Variants in TIAM1 observed in about 807,000 individuals in gnomAD.
TIAM1 encodes the protein rho guanine nucleotide exchange factor TIAM1.
In TIAM1, 65 loss-of-function variants were observed where a neutral mutation model predicts 163.5. The ratio of observed to expected loss-of-function variants is 0.40; its 90% CI spans 0.33 to 0.49. The LOEUF (loss-of-function observed/expected upper bound fraction) is 0.49. Ranked by LOEUF, TIAM1 falls within the 20% of genes least tolerant of loss-of-function variation. TIAM1 has a pLI of 0.77. For missense variants in TIAM1, 1,789 were observed against 2,044.7 expected (o/e 0.87, Z 2.41); for synonymous variants, 833 against 810.1 (o/e 1.03, Z -0.48).
chr21:31,396,883 A>G (rs892896680), intron 2 of TIAM1, among the ~76,000 whole-genome samples: 1 of 152,136 alleles, frequency 6.6e-6, no homozygotes, highest in East Asian at 1.9e-4. Flanking sequence ...CCTGGGGTGG[A>G]GGTTGCAGTG....
chr21:31,448,609 TAAAAAAAA>T (rs36095276), intron 2 of TIAM1, among the ~76,000 whole-genome samples: 3 of 128,726 alleles, frequency 2.3e-5, no homozygotes, highest in Non-Finnish European at 4.8e-5. Context: ...CCATCTCAAT[TAAAAAAAA>T]AAAAAAAAAC....
At chr21:31,453,847 C>G (rs1477473669) in intron 2 of TIAM1, among the ~76,000 whole-genome samples, 1 of 152,030 alleles carries the variant, frequency 6.6e-6, no homozygotes, top group African/African-American at 2.4e-5. Flanking sequence ...CCAACATGAC[C>G]TGGCCTGCTT....
At chr21:31,559,058 GC>G (rs2048997965), upstream of TIAM1, 1 of 151,912 alleles carries the variant, frequency 6.6e-6, no homozygotes, top group Non-Finnish European at 1.5e-5. Context: ...GCGCTGCTCT[GC>G]CGGCCGCGCT....
chr21:31,326,119 C>A (rs1448638271), intron 2 of TIAM1, among the ~76,000 whole-genome samples: 1 of 152,164 alleles, frequency 6.6e-6, no homozygotes, highest in Non-Finnish European at 1.5e-5. Context: ...CCAGCGAGAC[C>A]CCAACTCCCC....
chr21:31,471,856 C>T (rs1051520594), intron 1 of TIAM1, among the ~76,000 whole-genome samples: 69 of 143,566 alleles, frequency 4.8e-4, no homozygotes, highest in African/African-American at 1.7e-3. Flanking sequence ...GCAACAAGAG[C>T]GAAACTCCAT....
chr21:31,337,644 G>A lies in TIAM1; in HGVS notation c.-189+1599C>T, dbSNP rs753871618. On this transcript the variant is annotated intron_variant, in intron 2 of 27. Transcript: ENST00000541036. ...CCTCCTGGGTTCAAGCAATTCTCCC[G>A]CCTCAGCCTCCCGCGTAGCTGAGAT... is the stretch of plus-strand genomic sequence containing the variant. Among the ~76,000 whole-genome samples the A allele has an allele frequency of 7.9e-5, 12 of 151,706 alleles. No individual in the cohort carries two copies. In the East Asian group the frequency reaches 1.4e-3, roughly 17 times the overall value.
intron 27 of TIAM1, among the ~76,000 whole-genome samples, chr21:31,122,878 G>A (rs1254247511): frequency 1.3e-5 from 2 of 152,146 alleles, no homozygotes; most frequent in African/African-American, 4.8e-5. Flanking sequence ...ATTTCCAGTG[G>A]TCACTGTTAA....
intron 4 of TIAM1, among the ~76,000 whole-genome samples, chr21:31,258,624 G>A (rs1251120120): frequency 6.6e-6 from 1 of 152,158 alleles, no homozygotes; most frequent in Non-Finnish European, 1.5e-5. Context: ...GAAGTCAAGA[G>A]ATCTAGACCA....
chr21:31,181,042 C>T (rs913815224), intron 15 of TIAM1, among the ~76,000 whole-genome samples: 10 of 152,224 alleles, frequency 6.6e-5, no homozygotes, highest in African/African-American at 2.2e-4. Flanking sequence ...CCTTCCATTT[C>T]AGATTTTGAA....
At chr21:31,124,499 G>C in intron 27 of TIAM1, 23 bp downstream of exon 27, 2 of 1,610,996 alleles carry the variant, frequency 1.2e-6, no homozygotes, top group Non-Finnish European at 1.7e-6. Flanking sequence ...CGGGAATCTT[G>C]AACGTCCGAA....
chr21:31,224,000 T>C (rs1047413692), intron 7 of TIAM1, among the ~76,000 whole-genome samples: 4 of 152,192 alleles, frequency 2.6e-5, no homozygotes, highest in Non-Finnish European at 4.4e-5. Flanking sequence ...ATGGACCAAG[T>C]GCTTTTGGGA....
At chr21:31,232,313 G>A (rs1056808123) in intron 6 of TIAM1, among the ~76,000 whole-genome samples, 2 of 152,124 alleles carry the variant, frequency 1.3e-5, no homozygotes, top group African/African-American at 4.8e-5. Context: ...ATGGCTGAAG[G>A]CAGTTCCATT....
chr21:31,244,342 C>T (rs1247864411), intron 6 of TIAM1, among the ~76,000 whole-genome samples: 1 of 152,170 alleles, frequency 6.6e-6, no homozygotes, highest in Non-Finnish European at 1.5e-5. Flanking sequence ...TTTATACCTG[C>T]TCTTCCTTTA....
chr21:31,144,823 C>A (rs1601271777), intron 20 of TIAM1, among the ~76,000 whole-genome samples: 2 of 94,328 alleles, frequency 2.1e-5, no homozygotes, highest in African/African-American at 4.4e-5. Context: ...AGTGAGACTC[C>A]ATCTCAGAAA....
rs528643595 is a variant in TIAM1, at chr21:31,195,295, T to G, written c.2504A>C (p.Glu835Ala). The change falls in exon 13 of 28, where the codon GAA becomes GCA. Residue 835 changes from glutamate to alanine, a missense_variant. Around this residue, in one of 5 missense-constraint regions of TIAM1, gnomAD observed 456 missense variants for 586.6 expected, o/e 0.78. Coordinates refer to ENST00000541036, the MANE Select transcript of TIAM1 (RefSeq NM_001353694.2). The part of the protein sequence containing the change: ...EEDIYELLYK[E>A]IEICPKVTQS... ...AGTGACTTTTGGACAGATTTCAATT[T>G]CTTTGTACAGCTGAAAGTTACAAAG... 6.2e-7 allele frequency: 1 copy of G among 1,612,134 alleles called. No homozygotes were observed. The highest frequency in any genetic ancestry group is 1.1e-5 in the South Asian group (1 of 90,836).
intron 16 of TIAM1, among the ~76,000 whole-genome samples, chr21:31,159,585 G>C (rs775486870): frequency 5.3e-5 from 8 of 152,162 alleles, no homozygotes; most frequent in Non-Finnish European, 1.2e-4. Flanking sequence ...TAATTTCAGA[G>C]ACACTATGTA....
chr21:31,221,175 G>A (rs1274110221), intron 8 of TIAM1, among the ~76,000 whole-genome samples: 2 of 152,192 alleles, frequency 1.3e-5, no homozygotes, highest in Non-Finnish European at 2.9e-5. Context: ...AAATCAGACT[G>A]CAAAATTCCC....
At chr21:31,340,907 T>C (rs1450545756) in intron 1 of TIAM1, among the ~76,000 whole-genome samples, 2 of 147,258 alleles carry the variant, frequency 1.4e-5, no homozygotes, top group East Asian at 2.0e-4. Context: ...AAGATAAAAA[T>C]TGGAGGGAAG....
chr21:31,495,242 G>C (rs2046601287), intron 1 of TIAM1, among the ~76,000 whole-genome samples: 2 of 152,142 alleles, frequency 1.3e-5, no homozygotes, highest in African/African-American at 4.8e-5. Context: ...CTGAGACTAG[G>C]TAATTTATAA....
Sources: gnomAD v4.1 joint callset for allele counts (sites outside exome capture counted in the v4.1 genomes callset) on GRCh38, gnomAD v4.1.1 for gene constraint, gnomAD v4.1.1 regional missense constraint, MANE v1.5 for transcripts, NCBI Gene and HGNC (gene_info 2026-07-23, HGNC 2026-07-21) for gene names.